The following DAB1 variants were observed in gnomAD, a reference collection of about 807,000 sequenced individuals.
DAB1 encodes DAB adaptor protein 1.
In DAB1, 15 loss-of-function variants were observed where a neutral mutation model predicts 64.6. The ratio of observed to expected loss-of-function variants is 0.23; its 90% CI spans 0.16 to 0.36. DAB1 has a LOEUF of 0.36. Among genes scored for constraint, DAB1 ranks in the 10% least tolerant of loss-of-function variants. DAB1 has a pLI of 1.00. For synonymous variants in DAB1, 235 were observed against 251.9 expected, an observed-to-expected ratio of 0.93 and a Z score of 0.64; for missense variants, 596 against 706.7, an observed-to-expected ratio of 0.84 and a Z score of 1.78.
At chr1:57,106,416 T>C (rs981566474) in intron 4 of DAB1, among the ~76,000 whole-genome samples, 12 of 152,150 alleles carry the variant, frequency 7.9e-5, no homozygotes, top group African/African-American at 2.4e-4. Context: ...TCACAGATTT[T>C]AGGTCATTTC....
intron 3 of DAB1, among the ~76,000 whole-genome samples, chr1:58,476,548 AG>A: frequency 6.6e-6 from 1 of 152,332 alleles, no homozygotes; most frequent in African/African-American, 2.4e-5. Context: ...GATGGAAGTT[AG>A]GGGGCAAAGT....
At chr1:57,728,316 G>A (rs995042206) in intron 6 of DAB1, among the ~76,000 whole-genome samples, 4 of 151,902 alleles carry the variant, frequency 2.6e-5, no homozygotes, top group South Asian at 2.1e-4. Flanking sequence ...CCCCCTGGCC[G>A]GGTGCGGTGG....
At chr1:58,422,145 G>A (rs1644778544) in intron 3 of DAB1, among the ~76,000 whole-genome samples, 1 of 152,034 alleles carries the variant, frequency 6.6e-6, no homozygotes, top group African/African-American at 2.4e-5. Flanking sequence ...TGGTGATGTT[G>A]GGCAAGTTAC....
At chr1:57,508,508 G>T (rs1190174217) in intron 7 of DAB1, among the ~76,000 whole-genome samples, 1 of 152,184 alleles carries the variant, frequency 6.6e-6, no homozygotes, top group Non-Finnish European at 1.5e-5. Context: ...TTATCCCATG[G>T]CTTGGCAATC....
chr1:57,541,080 T>C (rs1433046951), intron 7 of DAB1, among the ~76,000 whole-genome samples: 1 of 152,046 alleles, frequency 6.6e-6, no homozygotes, highest in Non-Finnish European at 1.5e-5. Flanking sequence ...AAATATGACA[T>C]GTGCCCCATA....
At chr1:57,142,305 CT>C (rs1163911271) in intron 3 of DAB1, among the ~76,000 whole-genome samples, 1 of 145,000 alleles carries the variant, frequency 6.9e-6, no homozygotes, top group Non-Finnish European at 1.6e-5. Flanking sequence ...GTAAGTGGGC[CT>C]TTTTGGAAGG....
At chr1:57,149,205 A>G (rs1296916227) in intron 2 of DAB1, among the ~76,000 whole-genome samples, 1 of 152,130 alleles carries the variant, frequency 6.6e-6, no homozygotes, top group Non-Finnish European at 1.5e-5. Context: ...ATATTATTCT[A>G]TTGTGTGGTT....
intron 1 of DAB1, among the ~76,000 whole-genome samples, chr1:57,322,894 G>T (rs1217382883): frequency 6.6e-6 from 1 of 152,112 alleles, no homozygotes; most frequent in Non-Finnish European, 1.5e-5. Context: ...AACCTCTGTG[G>T]GTGGGGCCCA....
chr1:57,496,998 C>T (rs1432824011), intron 7 of DAB1, among the ~76,000 whole-genome samples: 1 of 152,212 alleles, frequency 6.6e-6, no homozygotes, highest in East Asian at 1.9e-4. Flanking sequence ...CTTTCAGCTG[C>T]CCCTCAAACA....
chr1:57,935,484 T>C (rs1645012325), intron 5 of DAB1, among the ~76,000 whole-genome samples: 2 of 152,174 alleles, frequency 1.3e-5, no homozygotes, highest in African/African-American at 4.8e-5. Flanking sequence ...ATGAAAACAA[T>C]GTTACTGCTA....
At chr1:57,862,361 G>A (rs1444503836) in intron 1 of DAB1, 1 of 152,124 alleles carries the variant, frequency 6.6e-6, no homozygotes, top group East Asian at 1.9e-4. Context: ...TCATGTGCTT[G>A]GCTATGAAGT....
At chr1:57,090,771 C>T (rs74658197) in intron 4 of DAB1, among the ~76,000 whole-genome samples, 2,549 of 152,154 alleles carry the variant, frequency 0.017, 26 homozygotes, top group Non-Finnish European at 0.027. Context: ...ACAGAGGTCC[C>T]CAACCCCCGG....
intron 3 of DAB1, among the ~76,000 whole-genome samples, chr1:58,415,692 T>C (rs1044087230): frequency 6.6e-6 from 1 of 152,244 alleles, no homozygotes; most frequent in South Asian, 2.1e-4. Flanking sequence ...TCAACTATTA[T>C]AGAGTGTCAA....
chr1:58,122,378 T>A (rs1652799771), intron 5 of DAB1, among the ~76,000 whole-genome samples: 2 of 152,172 alleles, frequency 1.3e-5, no homozygotes, highest in Non-Finnish European at 2.9e-5. Flanking sequence ...TTTGGGCAAG[T>A]CCCTTCTTTG....
At chr1:57,103,496 C>A (rs1056246517) in intron 4 of DAB1, among the ~76,000 whole-genome samples, 3 of 152,150 alleles carry the variant, frequency 2.0e-5, no homozygotes, top group African/African-American at 7.2e-5. Context: ...TAAATGAGAT[C>A]ACCCTTTGCA....
intron 1 of DAB1, chr1:58,530,654 G>C (rs1646421374): frequency 1.1e-6 from 1 of 872,704 alleles, no homozygotes; most frequent in Non-Finnish European, 2.0e-6. Flanking sequence ...CTATCTCGAG[G>C]ACAAATGGCC....
intron 5 of DAB1, among the ~76,000 whole-genome samples, chr1:57,933,283 A>G (rs1047442007): frequency 9.2e-5 from 14 of 152,200 alleles, no homozygotes; most frequent in Middle Eastern, 3.2e-3. Flanking sequence ...TGTGTTTCCA[A>G]TCTGAGGGGC....
intron 6 of DAB1, among the ~76,000 whole-genome samples, chr1:57,705,042 A>G (rs959774968): frequency 1.3e-5 from 2 of 152,088 alleles, no homozygotes; most frequent in African/African-American, 4.8e-5. Flanking sequence ...AAATAGTACT[A>G]AATTATAAGA....
At chr1:57,867,516 C>G (rs1654360857) in intron 1 of DAB1, 1 of 152,134 alleles carries the variant, frequency 6.6e-6, no homozygotes, top group Admixed American at 6.5e-5. Flanking sequence ...TAAACTGCAA[C>G]AGCAGAGCCT....
Sources: allele counts gnomAD v4.1 joint callset (sites outside exome capture counted in the v4.1 genomes callset), GRCh38; gene constraint gnomAD v4.1.1; transcripts MANE v1.5; gene names NCBI Gene and HGNC (gene_info 2026-07-23, HGNC 2026-07-21).